Variants in MROH7 observed in about 807,000 individuals in gnomAD.
MROH7 encodes maestro heat-like repeat-containing protein family member 7.
A neutral mutation model predicts 129.2 loss-of-function variants in MROH7; 113 were observed. That is an observed-to-expected ratio of 0.87 (90% CI 0.75 to 1.02). The LOEUF is 1.02. Among genes scored for constraint, MROH7 ranks in the 50% least tolerant of loss-of-function variants. MROH7 has a pLI of 0.00. For synonymous variants in MROH7, 655 were observed against 667.9 expected, an observed-to-expected ratio of 0.98 and a Z score of 0.30; for missense variants, 1,601 against 1,671.3, an observed-to-expected ratio of 0.96 and a Z score of 0.73.
In MROH7 at chr1:54,702,495, T is replaced by TA; in HGVS notation, c.3442-121dup. On this transcript the variant is annotated intron_variant, in intron 20 of 23. Transcript: ENST00000421030. ...AAAATAAAAATAAAATAATAGTAATTAAAAAAATTAAAAATGGTCAGCTTC... is the reference window on the plus strand; with the variant it reads ...AAAATAAAAATAAAATAATAGTAATTAAAAAAAATTAAAAATGGTCAGCTTC... 4 of 956,886 alleles carry TA rather than the reference T, an allele frequency of 4.2e-6. No homozygotes were observed. The South Asian group carries it at 1.2e-4, about 30-fold the overall frequency. 59.3% of individuals were successfully genotyped at this position (956,886 alleles called of 1,614,324 possible).
intron 15 of MROH7, among the ~76,000 whole-genome samples, chr1:54,687,858 T>A (rs1232675438): frequency 6.8e-6 from 1 of 148,120 alleles, no homozygotes; most frequent in Non-Finnish European, 1.5e-5. Context: ...ACATTGAGTT[T>A]GCTTTTTTTC....
At chr1:54,644,658 T>TA (rs1644435943) in intron 1 of MROH7, among the ~76,000 whole-genome samples, 1 of 144,384 alleles carries the variant, frequency 6.9e-6, no homozygotes. Flanking sequence ...TTCTTTCTTC[T>TA]GTTTTTTAAT....
chr1:54,708,290 A>G (rs1385850838), intron 22 of MROH7, among the ~76,000 whole-genome samples: 1 of 152,178 alleles, frequency 6.6e-6, no homozygotes, highest in Non-Finnish European at 1.5e-5. Flanking sequence ...AGCTGGACAT[A>G]GTGGCAAATG....
At chr1:54,648,164 G>A (rs546548450) in intron 1 of MROH7, among the ~76,000 whole-genome samples, 46 of 151,714 alleles carry the variant, frequency 3.0e-4, no homozygotes, top group Non-Finnish European at 4.9e-4. Context: ...GATTATAGAC[G>A]TGAGCCGCCA....
At chr1:54,670,394 T>G (rs2251719) in intron 5 of MROH7, 103 bp from the exon 6 acceptor site, 735,276 of 892,514 alleles carry the variant, frequency 0.82, 305,303 homozygotes, top group East Asian at 1. Context: ...CACTTGAGGG[T>G]ATGCTGGCTG....
intron 13 of MROH7, among the ~76,000 whole-genome samples, chr1:54,682,160 C>CTTTT (rs36109984): frequency 7.4e-6 from 1 of 134,964 alleles, no homozygotes; most frequent in Non-Finnish European, 1.6e-5. Flanking sequence ...TTCTTTCTTT[C>CTTTT]TTTTTTTTTT....
At chr1:54,671,004 G>A (rs1331176791) in intron 7 of MROH7, 75 bp downstream of exon 7, 25 of 1,469,702 alleles carry the variant, frequency 1.7e-5, no homozygotes, top group East Asian at 5.0e-5. Context: ...TGCATCCTCC[G>A]GCTCATTGGT....
In MROH7 at chr1:54,674,079, C is replaced by G; in HGVS notation, c.1864C>G (p.Pro622Ala). The change falls in exon 10 of 24, where the codon CCT (proline) becomes GCT (alanine). Residue 622 changes from proline to alanine, a missense_variant. Physicochemically the swap from Pro to Ala is conservative, Grantham distance 27 (BLOSUM62 -1). Transcript: ENST00000421030. ...LGRLILHIGD[P>A]DEEIGCEALD... is the part of the protein sequence containing the mutation. ...GAGACTCATCCTTCACATTGGGGAT[C>G]CTGATGAGGAGATTGGCTGTGAGGC... 2 of 1,614,004 alleles carry G rather than the reference C, an allele frequency of 1.2e-6. No individual in the cohort carries two copies. The highest frequency in any genetic ancestry group is 1.7e-6 in the Non-Finnish European group (2 of 1,179,932).
intron 3 of MROH7, among the ~76,000 whole-genome samples, chr1:54,658,337 G>A (rs952018956): frequency 5.3e-5 from 8 of 152,198 alleles, no homozygotes; most frequent in African/African-American, 1.7e-4. Context: ...TGGTCTATAT[G>A]TCTGTCCTTA....
At chr1:54,689,512 G>T (rs988181965) in intron 15 of MROH7, among the ~76,000 whole-genome samples, 1 of 152,206 alleles carries the variant, frequency 6.6e-6, no homozygotes, top group African/African-American at 2.4e-5. Flanking sequence ...GCAGTGATGA[G>T]GTGGAATAGC....
intron 15 of MROH7, among the ~76,000 whole-genome samples, chr1:54,691,421 C>A (rs1327537022): frequency 1.3e-5 from 2 of 152,208 alleles, no homozygotes; most frequent in Non-Finnish European, 2.9e-5. Flanking sequence ...ACAAAGTGCA[C>A]CATAAACTCT....
At chr1:54,667,964 C>T (rs1644838259) in intron 4 of MROH7, among the ~76,000 whole-genome samples, 1 of 152,220 alleles carries the variant, frequency 6.6e-6, no homozygotes, top group African/African-American at 2.4e-5. Context: ...CCCAATTTCT[C>T]ATGATTCTGA....
rs900922457 is a variant in MROH7 at position 54,703,136 on chromosome 1, C to T, written c.3564+391C>T. Among the ~76,000 whole-genome samples, 1 of 152,114 alleles carries T rather than the reference C, an allele frequency of 6.6e-6. No homozygotes were observed. The highest frequency in any genetic ancestry group is 2.4e-5 in the African/African-American group (1 of 41,414). ...CCCGAGTATCTTGGAATCTGCTTTTCCCTCCCCACCCTGCTGCCATCGTTG... is the reference window on the plus strand; with the variant it reads ...CCCGAGTATCTTGGAATCTGCTTTTTCCTCCCCACCCTGCTGCCATCGTTG... On this transcript the variant is annotated intron_variant, in intron 21 of 23. Coordinates refer to ENST00000421030, the MANE Select transcript of MROH7 (RefSeq NM_001039464.4). The surrounding 1 kb of genome is among the most constrained non-coding windows in gnomAD (Gnocchi z 4.4).
rs1040843153 is a variant in MROH7, at chr1:54,653,714, C to A, written c.788C>A (p.Ala263Asp). 3 of 1,614,048 alleles carry A rather than the reference C, an allele frequency of 1.9e-6. No homozygotes were observed. Among genetic ancestry groups the A allele is most frequent in the African/African-American group, 2.7e-5 (2 of 74,912 alleles). ...ATCTCTGAGTCTGTTTCAAAAGGAGCCTTTAGTACCACCTGGAGCACAAGT... is the reference window on the plus strand; with the variant it reads ...ATCTCTGAGTCTGTTTCAAAAGGAGACTTTAGTACCACCTGGAGCACAAGT... ...HNISESVSKG[A>D]FSTTWSTSSK... Residue 263 changes from alanine (A) to aspartate (D), a missense_variant, in exon 3 of 24, where the codon GCC becomes GAC. By Grantham distance (126) the Ala-to-Asp change is moderately radical. Transcript: ENST00000421030.
intron 4 of MROH7, among the ~76,000 whole-genome samples, chr1:54,666,325 C>G (rs1218400277): frequency 6.6e-6 from 1 of 151,996 alleles, no homozygotes; most frequent in Non-Finnish European, 1.5e-5. Context: ...TTACCTGCCC[C>G]CCAATGAGGG....
chr1:54,678,791 C>T lies in MROH7; in HGVS notation c.1986C>T (p.Asn662=). The stretch of plus-strand genomic sequence containing the variant: ...ACAAAAAGGAGCTATATGAGAGCAA[C>T]AAGCATTTCCTGGGGCCCTACAACC... ...ETNKKELYES[N]KHFLGPYNPV... Residue 662 remains asparagine (N), a synonymous_variant, in exon 11 of 24, where the codon AAC becomes AAT. Transcript: ENST00000421030. 2 of 1,614,094 alleles carry T rather than the reference C, an allele frequency of 1.2e-6. No individual in the cohort carries two copies. The highest frequency in any genetic ancestry group is 1.7e-6 in the Non-Finnish European group (2 of 1,180,016).
chr1:54,710,117 C>G lies in MROH7; in HGVS notation c.3902C>G (p.Pro1301Arg). 1 of 1,613,898 alleles carries G rather than the reference C, an allele frequency of 6.2e-7. No individual in the cohort carries two copies. The highest frequency in any genetic ancestry group is 8.5e-7 in the Non-Finnish European group (1 of 1,179,996). ...HRWSPSCENL[P>R]TSHQRRSWIM... ...TGGAGCCCCAGCTGTGAGAACCTGC[C>G]CACTTCCCACCAGCGGCGCTCCTGG... The change falls in exon 24 of 24, where the codon CCC (proline) becomes CGC (arginine). Residue 1301 changes from proline (P) to arginine (R), a missense_variant. Pro to Arg is a moderately radical substitution (Grantham distance 103). Transcript: ENST00000421030.
At chr1:54,682,144 GTTTC>G (rs1164617447) in intron 13 of MROH7, among the ~76,000 whole-genome samples, 4 of 147,854 alleles carry the variant, frequency 2.7e-5, no homozygotes, top group Admixed American at 7.1e-5. Flanking sequence ...GGGAAATAGG[GTTTC>G]TTTCTTTCTT....
chr1:54,697,440 G>A (rs1569980028), intron 17 of MROH7: 6 of 464,324 alleles, frequency 1.3e-5, no homozygotes, highest in African/African-American at 5.8e-5. Flanking sequence ...AATACTGCAG[G>A]TCACCAGCAG....
Sources: allele counts gnomAD v4.1 joint callset (sites outside exome capture counted in the v4.1 genomes callset), GRCh38; gene constraint gnomAD v4.1.1; non-coding constraint Gnocchi (gnomAD v3.1); transcripts MANE v1.5; gene names NCBI Gene and HGNC (gene_info 2026-07-23, HGNC 2026-07-21).